The following ARMC2 variants were observed in gnomAD, a reference collection of about 807,000 sequenced individuals.
ARMC2 encodes armadillo repeat containing 2, also known as armadillo repeat-containing protein 2.
In ARMC2, 67 loss-of-function variants were observed where a neutral mutation model predicts 90.3. The ratio of observed to expected loss-of-function variants is 0.74; its 90% CI spans 0.61 to 0.91. The LOEUF (loss-of-function observed/expected upper bound fraction) is 0.91, where lower values mean the gene tolerates loss of function less well. Among genes scored for constraint, ARMC2 ranks in the 40% least tolerant of loss-of-function variants. The pLI is 0.00. For missense variants in ARMC2, 920 were observed against 1,030.9 expected (o/e 0.89, Z 1.47); for synonymous variants, 393 against 393.0 (o/e 1.00, Z 0.00).
At chr6:108,855,117 C>G (rs1774417112) in intron 2 of ARMC2, among the ~76,000 whole-genome samples, 1 of 152,196 alleles carries the variant, frequency 6.6e-6, no homozygotes, top group Non-Finnish European at 1.5e-5. Context: ...GGATGTACCA[C>G]AGTTTATCTA....
the ARMC2 span, among the ~76,000 whole-genome samples, chr6:109,027,304 C>T: frequency 6.6e-6 from 1 of 151,694 alleles, no homozygotes; most frequent in Non-Finnish European, 1.5e-5. Flanking sequence ...GAAACCCCGT[C>T]TCTACTAAAA....
chr6:109,024,900 A>C, the ARMC2 span, among the ~76,000 whole-genome samples: 1 of 152,240 alleles, frequency 6.6e-6, no homozygotes, highest in African/African-American at 2.4e-5. Context: ...CACAAATTGG[A>C]GACCTGTGTG....
chr6:109,051,172 A>AC, the ARMC2 span, among the ~76,000 whole-genome samples: 252 of 152,158 alleles, frequency 1.7e-3, no homozygotes, highest in South Asian at 0.028. Flanking sequence ...ACAAAAAAAA[A>AC]CTCATTTCAG....
rs1244336050 is a variant in ARMC2, at chr6:108,962,028, C to T, written c.2053C>T (p.Leu685Phe). 6.8e-6 allele frequency: 11 copies of T among 1,610,962 alleles called. No individual in the cohort carries two copies. Among genetic ancestry groups the T allele is most frequent in the East Asian group, 2.2e-5 (1 of 44,878 alleles). Reference protein sequence around the residue: ...LYIAELLLKLLVSNNMDGILE... With the variant: ...LYIAELLLKLFVSNNMDGILE... ...GCCAAATCCAGTGCTCTTAAAGCTT[C>T]TTGTCAGTAACAACATGGATGGAAT... Residue 685 changes from leucine (L) to phenylalanine (F), a missense_variant, in exon 15 of 18, where the codon CTT becomes TTT. Transcript: ENST00000392644.
At chr6:109,007,720 T>C in the ARMC2 span, among the ~76,000 whole-genome samples, 1 of 149,978 alleles carries the variant, frequency 6.7e-6, no homozygotes, top group Non-Finnish European at 1.5e-5. Flanking sequence ...CAAAATGTAC[T>C]AACAATTATG....
the ARMC2 span, among the ~76,000 whole-genome samples, chr6:108,982,806 A>G: frequency 1.4e-5 from 2 of 142,704 alleles, no homozygotes; most frequent in African/African-American, 5.1e-5. Flanking sequence ...AAGTCTTTGG[A>G]CTTTTCTTTT....
chr6:108,912,155 ACTTAT>A (rs1199793745), intron 9 of ARMC2, among the ~76,000 whole-genome samples, 175 bp from the exon 10 acceptor site: 3 of 152,296 alleles, frequency 2.0e-5, no homozygotes, highest in Non-Finnish European at 2.9e-5. Context: ...TATTACAGAG[ACTTAT>A]CTTAGCTAAA....
chr6:108,976,920 T>C (rs950548588), downstream of ARMC2, among the ~76,000 whole-genome samples: 1 of 152,262 alleles, frequency 6.6e-6, no homozygotes, highest in Non-Finnish European at 1.5e-5. Context: ...GATGTGGTTT[T>C]CTAAATATAC....
At chr6:108,916,861 G>A (rs760315981) in intron 10 of ARMC2, among the ~76,000 whole-genome samples, 23 of 152,150 alleles carry the variant, frequency 1.5e-4, no homozygotes, top group Non-Finnish European at 1.3e-4. Context: ...CTTTCCTGGA[G>A]AACAGAAGAG....
the ARMC2 span, among the ~76,000 whole-genome samples, chr6:109,018,516 T>A: frequency 1.3e-5 from 2 of 152,228 alleles, no homozygotes; most frequent in Non-Finnish European, 2.9e-5. Flanking sequence ...CTCAGGCACA[T>A]TTGCTTGGTA....
At chr6:108,927,449 C>G (rs1456134927) in intron 10 of ARMC2, among the ~76,000 whole-genome samples, 1 of 152,184 alleles carries the variant, frequency 6.6e-6, no homozygotes, top group Non-Finnish European at 1.5e-5. Context: ...AAGGAGCACA[C>G]TGCATATTAA....
intron 3 of ARMC2, among the ~76,000 whole-genome samples, chr6:108,863,078 C>T (rs1019266128): frequency 1.3e-5 from 2 of 152,206 alleles, no homozygotes; most frequent in Non-Finnish European, 2.9e-5. Context: ...GCCCTGCCCT[C>T]CAGCCCGACT....
In ARMC2 at chr6:108,863,119, T is replaced by G. The variant is rs533281029; in HGVS notation, c.291+4848T>G. The stretch of plus-strand genomic sequence containing the variant: ...AGGGGGTTCCTGTTAGCAGAAACAC[T>G]CTGATTTGTAGGGTTTTGTTTGTTT... On this transcript the variant is annotated intron_variant, in intron 3 of 17. Coordinates refer to ENST00000392644, the MANE Select transcript of ARMC2 (RefSeq NM_032131.6). Among the ~76,000 whole-genome samples, 22 of 152,214 alleles carry G rather than the reference T, an allele frequency of 1.4e-4. No individual in the cohort carries two copies. The South Asian group carries it at 2.9e-3, about 20-fold the overall frequency.
chr6:108,877,459 A>G (rs564725948), intron 5 of ARMC2, among the ~76,000 whole-genome samples: 1 of 152,356 alleles, frequency 6.6e-6, no homozygotes, highest in African/African-American at 2.4e-5. Flanking sequence ...TTTAAATTAA[A>G]GGAAAAATGA....
chr6:108,856,350 T>C (rs946880949), intron 2 of ARMC2: 4 of 153,966 alleles, frequency 2.6e-5, no homozygotes, highest in African/African-American at 9.6e-5. Flanking sequence ...TTTTACTTGT[T>C]AATTTCTTGC....
intron 12 of ARMC2, among the ~76,000 whole-genome samples, chr6:108,939,656 A>G (rs1776276917): frequency 6.6e-6 from 1 of 152,182 alleles, no homozygotes; most frequent in South Asian, 2.1e-4. Flanking sequence ...AAATTATCTA[A>G]TCTCAAGTAT....
At chr6:108,956,047 T>G (rs1166683611) in intron 13 of ARMC2, among the ~76,000 whole-genome samples, 1 of 152,222 alleles carries the variant, frequency 6.6e-6, no homozygotes, top group Admixed American at 6.5e-5. Flanking sequence ...TGAGACCCAG[T>G]GCTTCAGGGA....
At chr6:108,956,210 C>T (rs1158856859) in intron 13 of ARMC2, among the ~76,000 whole-genome samples, 2 of 152,208 alleles carry the variant, frequency 1.3e-5, no homozygotes, top group East Asian at 1.9e-4. Flanking sequence ...ACTGGGGGCA[C>T]ATGGCTGTGA....
chr6:108,874,833 C>T (rs1225811969), intron 4 of ARMC2, among the ~76,000 whole-genome samples: 1 of 146,826 alleles, frequency 6.8e-6, no homozygotes, highest in African/African-American at 2.5e-5. Flanking sequence ...ATTTTCTCAT[C>T]TTAAAAAAAA....
Sources: gnomAD v4.1 joint callset for allele counts (sites outside exome capture counted in the v4.1 genomes callset) on GRCh38, gnomAD v4.1.1 for gene constraint, MANE v1.5 for transcripts, NCBI Gene and HGNC (gene_info 2026-07-23, HGNC 2026-07-21) for gene names.